The following RHEB variants were observed in gnomAD, a reference collection of about 807,000 sequenced individuals.
The protein encoded by RHEB is GTP-binding protein Rheb.
A neutral mutation model predicts 28.8 loss-of-function variants in RHEB; 2 were observed. The observed-to-expected ratio is 0.07, with a 90% CI of 0.03 to 0.22. The LOEUF (loss-of-function observed/expected upper bound fraction) is 0.22, where lower values mean the gene tolerates loss of function less well. Among genes scored for constraint, RHEB ranks in the 10% least tolerant of loss-of-function variants. RHEB has a pLI of 1.00. For missense variants in RHEB, 76 were observed against 219.9 expected (o/e 0.35, Z 4.14); for synonymous variants, 69 against 77.3 (o/e 0.89, Z 0.56).
Position 151,510,530 on chromosome 7 carries a change from A to C in RHEB, c.52+8930T>G, listed in dbSNP as rs551967825. ...TGCTTCAAAAGCACCAACAATTATT[A>C]TTCTCAGTAGCAGGAACAAGTTCCT... On this transcript the variant is annotated intron_variant, in intron 1 of 7. Coordinates refer to ENST00000262187, the MANE Select transcript of RHEB (RefSeq NM_005614.4). 7.9e-5 allele frequency among the ~76,000 whole-genome samples: 12 copies of C among 152,328 alleles called. No individual in the cohort carries two copies. In the East Asian group the frequency reaches 1.5e-3, roughly 20 times the overall value.
intron 2 of RHEB, 32 bp downstream of exon 2, chr7:151,490,911 T>C: frequency 6.6e-7 from 1 of 1,504,620 alleles, no homozygotes; most frequent in Non-Finnish European, 9.3e-7. Flanking sequence ...AGAAGGCTTC[T>C]CAGTTTTTAA....
chr7:151,518,864 A>G (rs6943752), intron 1 of RHEB, among the ~76,000 whole-genome samples: 80,158 of 151,638 alleles, frequency 0.53, 21,310 homozygotes, highest in South Asian at 0.6. Context: ...CTCCAGAGGG[A>G]CCTCTTTTGG....
At chr7:151,487,619 T>C (rs1387186263) in intron 2 of RHEB, among the ~76,000 whole-genome samples, 1 of 152,162 alleles carries the variant, frequency 6.6e-6, no homozygotes, top group African/African-American at 2.4e-5. Flanking sequence ...AGACCTTCCA[T>C]CTTGCTGTCA....
At chr7:151,474,749 T>C (rs918028559) in intron 4 of RHEB, among the ~76,000 whole-genome samples, 2 of 152,248 alleles carry the variant, frequency 1.3e-5, no homozygotes, top group African/African-American at 2.4e-5. Context: ...AAAGGAATAA[T>C]GTGAGACTTC....
At chr7:151,491,948 C>A (rs947888886) in intron 1 of RHEB, among the ~76,000 whole-genome samples, 3 of 152,126 alleles carry the variant, frequency 2.0e-5, no homozygotes, top group Non-Finnish European at 4.4e-5. Flanking sequence ...CTTCTGCTAC[C>A]TAAAATGTCT....
intron 4 of RHEB, among the ~76,000 whole-genome samples, chr7:151,474,458 G>T (rs1802229720): frequency 6.6e-6 from 1 of 152,186 alleles, no homozygotes; most frequent in South Asian, 2.1e-4. Context: ...TGGGATTACA[G>T]GTGTGGGCCA....
Position 151,507,445 on chromosome 7 carries a change from G to A in RHEB, c.52+12015C>T, listed in dbSNP as rs551354320. Among the ~76,000 whole-genome samples, 4 of 152,184 alleles carry A rather than the reference G, an allele frequency of 2.6e-5. No homozygotes were observed. The East Asian group carries it at 5.8e-4, about 22-fold the overall frequency. ...GGAAGTGTTTTGAAAAGATGTTTAC[G>A]ATTCTAATTGGAATACCAATCCCCA... On this transcript the variant is annotated intron_variant, in intron 1 of 7. Coordinates refer to ENST00000262187, the MANE Select transcript of RHEB (RefSeq NM_005614.4).
At chr7:151,496,945 AT>A (rs1172246541) in intron 1 of RHEB, among the ~76,000 whole-genome samples, 10,725 of 124,432 alleles carry the variant, frequency 0.086, 1,242 homozygotes, top group African/African-American at 0.29. Context: ...ACACTCGGCT[AT>A]TTTTTTTTTT....
At chr7:151,476,223 G>A (rs1318215562) in intron 4 of RHEB, among the ~76,000 whole-genome samples, 1 of 152,196 alleles carries the variant, frequency 6.6e-6, no homozygotes, top group African/African-American at 2.4e-5. Context: ...CACTCACAGA[G>A]CAGCAGACTG....
chr7:151,472,285 G>A lies in RHEB; in HGVS notation c.276-680C>T, dbSNP rs1182702387. Among the ~76,000 whole-genome samples the A allele has an allele frequency of 1.3e-5, 2 of 152,076 alleles. No individual in the cohort carries two copies. Among genetic ancestry groups the A allele is most frequent in the Non-Finnish European group, 2.9e-5 (2 of 68,036 alleles). On this transcript the variant is annotated intron_variant, in intron 4 of 7. Transcript: ENST00000262187. This position sits in a 1 kb window ranked among gnomAD's most constrained non-coding sequence, Gnocchi z 5.2. ...CTTCTCACTCCCCTCCACTGCTGCC[G>A]CTGAGGTGTGAATTCCTGGCCCAAG...
intron 2 of RHEB, among the ~76,000 whole-genome samples, chr7:151,485,391 T>G (rs1427582475): frequency 1.3e-5 from 2 of 152,142 alleles, no homozygotes; most frequent in Non-Finnish European, 2.9e-5. Context: ...GGAAAGAAAA[T>G]CAGACTTGAA....
chr7:151,509,858 G>A (rs75204459), intron 1 of RHEB, among the ~76,000 whole-genome samples: 5,072 of 152,314 alleles, frequency 0.033, 273 homozygotes, highest in African/African-American at 0.12. Flanking sequence ...ACTCGTTGAT[G>A]TATTGTCTGT....
At chr7:151,488,407 CT>C (rs1802521920) in intron 2 of RHEB, among the ~76,000 whole-genome samples, 1 of 152,174 alleles carries the variant, frequency 6.6e-6, no homozygotes, top group Admixed American at 6.5e-5. Context: ...TGTAAAATAA[CT>C]ACTAAATTAT....
At chr7:151,518,375 C>A (rs1048740100) in intron 1 of RHEB, among the ~76,000 whole-genome samples, 1 of 152,146 alleles carries the variant, frequency 6.6e-6, no homozygotes, top group Non-Finnish European at 1.5e-5. Context: ...AGATAGTCAC[C>A]CCGTTCCGCA....
At chr7:151,475,381 G>C (rs868393068) in intron 4 of RHEB, among the ~76,000 whole-genome samples, 5 of 152,068 alleles carry the variant, frequency 3.3e-5, no homozygotes, top group Non-Finnish European at 5.9e-5. Context: ...AAATCAGCTA[G>C]GATAAAATTG....
intron 1 of RHEB, among the ~76,000 whole-genome samples, chr7:151,508,040 C>T (rs748308413): frequency 6.6e-6 from 1 of 152,070 alleles, no homozygotes; most frequent in Non-Finnish European, 1.5e-5. Context: ...ACAATAATAG[C>T]CCTGATAAAC....
At chr7:151,497,139 C>A (rs1365548652) in intron 1 of RHEB, among the ~76,000 whole-genome samples, 1 of 152,016 alleles carries the variant, frequency 6.6e-6, no homozygotes, top group Non-Finnish European at 1.5e-5. Context: ...GCCTATTGAG[C>A]TCAGCTACAG....
intron 1 of RHEB, among the ~76,000 whole-genome samples, chr7:151,518,680 T>C (rs1348725608): frequency 1.3e-5 from 2 of 152,150 alleles, no homozygotes; most frequent in Admixed American, 6.5e-5. Context: ...GTTTCAAATG[T>C]ATGTCAACCT....
chr7:151,484,950 C>T, intron 2 of RHEB, 146 bp from the exon 3 acceptor site: 1 of 598,878 alleles, frequency 1.7e-6, no homozygotes. Flanking sequence ...AACTCTCTGA[C>T]TTGTATAGAT....
Sources: allele counts gnomAD v4.1 joint callset (sites outside exome capture counted in the v4.1 genomes callset), GRCh38; gene constraint gnomAD v4.1.1; non-coding constraint Gnocchi (gnomAD v3.1); transcripts MANE v1.5; gene names NCBI Gene and HGNC (gene_info 2026-07-23, HGNC 2026-07-21).